EPB41: variants seen among roughly 807,000 people sequenced by gnomAD.
The protein encoded by EPB41 is erythrocyte membrane protein band 4.1, also known as protein 4.1.
A neutral mutation model predicts 108.0 loss-of-function variants in EPB41; 65 were observed. That is an observed-to-expected ratio of 0.60 (90% confidence interval 0.49 to 0.74). The LOEUF (loss-of-function observed/expected upper bound fraction) is 0.74. Ranked by LOEUF, EPB41 falls within the 30% of genes least tolerant of loss-of-function variation. EPB41 has a pLI of 0.00. For missense variants in EPB41, 875 were observed against 1,037.0 expected (o/e 0.84, Z 2.15); for synonymous variants, 336 against 358.9 (o/e 0.94, Z 0.72).
At chr1:28,900,265 G>A (rs1334555682) in intron 1 of EPB41, among the ~76,000 whole-genome samples, 1 of 151,456 alleles carries the variant, frequency 6.6e-6, no homozygotes, top group Non-Finnish European at 1.5e-5. Flanking sequence ...CTAGCTGTGT[G>A]ATGTGGGATC....
chr1:29,063,758 TAC>T (rs1286135959), intron 15 of EPB41, among the ~76,000 whole-genome samples: 1 of 152,210 alleles, frequency 6.6e-6, no homozygotes, highest in Non-Finnish European at 1.5e-5. Flanking sequence ...CAGAATTTTT[TAC>T]AGTCATCAAG....
At chr1:28,915,363 T>C (rs2092552089) in intron 1 of EPB41, among the ~76,000 whole-genome samples, 1 of 152,078 alleles carries the variant, frequency 6.6e-6, no homozygotes, top group Non-Finnish European at 1.5e-5. Context: ...CGTGACCTCC[T>C]TTTTCAGTTC....
At chr1:29,070,772 G>A (rs148199801) in intron 16 of EPB41, 1 of 1,122,134 alleles carries the variant, frequency 8.9e-7, no homozygotes, top group Non-Finnish European at 1.1e-6. Flanking sequence ...ACTCTTTGTA[G>A]AGTATGTATT....
chr1:28,889,780 C>A (rs964331861), intron 1 of EPB41: 170 of 984,966 alleles, frequency 1.7e-4, no homozygotes, highest in Non-Finnish European at 2.0e-4. Context: ...AGGTGTGGAA[C>A]CAAACCGAGC....
At chr1:29,046,967 T>C (rs1010873186) in intron 11 of EPB41, among the ~76,000 whole-genome samples, 2 of 152,152 alleles carry the variant, frequency 1.3e-5, no homozygotes, top group Non-Finnish European at 2.9e-5. Context: ...CCTTTTGTAA[T>C]GTTGTGGTCA....
intron 16 of EPB41, among the ~76,000 whole-genome samples, chr1:29,066,270 T>G (rs956052793): frequency 6.6e-6 from 1 of 151,964 alleles, no homozygotes. Flanking sequence ...TATACAAAAA[T>G]TAGCCGGGCA....
At chr1:28,988,883 G>GA (rs371318024) in intron 2 of EPB41, among the ~76,000 whole-genome samples, 1 of 150,190 alleles carries the variant, frequency 6.7e-6, no homozygotes, top group Non-Finnish European at 1.5e-5. Flanking sequence ...GAATAGTAGA[G>GA]AAAAAAAAAG....
In EPB41 at chr1:28,998,405, GGAGA is replaced by G. The variant is rs555238478; in HGVS notation, c.786+1090_786+1093del. On this transcript the variant is annotated intron_variant, in intron 4 of 20. Coordinates refer to ENST00000343067, the MANE Select transcript of EPB41 (RefSeq NM_001376013.1). ...GGGTGGGTGTAAAGTGGGGAATCGTGGAGAGAGTCTTGTAGACACTGAATTTAAG... is the reference window on the plus strand; with the variant it reads ...GGGTGGGTGTAAAGTGGGGAATCGTGGAGTCTTGTAGACACTGAATTTAAG... Among the ~76,000 whole-genome samples, 7 of 152,244 alleles carry G rather than the reference GGAGA, an allele frequency of 4.6e-5. 1 individual carries two copies. Among genetic ancestry groups the G allele is most frequent in the Admixed American group, 4.6e-4 (7 of 15,286 alleles).
intron 1 of EPB41, among the ~76,000 whole-genome samples, chr1:28,895,247 C>T (rs1372673500): frequency 6.6e-6 from 1 of 152,102 alleles, no homozygotes; most frequent in Non-Finnish European, 1.5e-5. Context: ...CTGGGACTCA[C>T]TAGTCATCAT....
intron 19 of EPB41, among the ~76,000 whole-genome samples, chr1:29,113,937 C>T (rs966084878): frequency 1.4e-4 from 21 of 152,106 alleles, no homozygotes; most frequent in Non-Finnish European, 2.5e-4. Context: ...GAGGCAGAGT[C>T]ACAAAGAGAA....
At chr1:29,046,895 T>A (rs1643382497) in intron 11 of EPB41, among the ~76,000 whole-genome samples, 1 of 152,214 alleles carries the variant, frequency 6.6e-6, no homozygotes, top group South Asian at 2.1e-4. Flanking sequence ...AATACTCTTT[T>A]CTTTTTTATT....
Position 28,891,095 on chromosome 1 carries a change from C to T in EPB41, c.-8+3885C>T, listed in dbSNP as rs1042075982. 1.3e-5 allele frequency: 8 copies of T among 619,164 alleles called. No individual in the cohort carries two copies. In the African/African-American group the frequency reaches 1.6e-4, roughly 12 times the overall value. The allele number at this position is 619,164 out of a possible 1,614,324, so 38.4% of individuals were successfully genotyped here. A position where few individuals can be genotyped will look rare whatever the true frequency, so the allele number is the denominator to read the frequency against. On this transcript the variant is annotated intron_variant, in intron 1 of 16. Transcript: ENST00000347529. ...GTTTCCCCAGAGGGGCAGCCCCACG[C>T]AGCTACTGCCCAGGTGCAAGACTGG...
At chr1:28,957,005 T>TTCTATA (rs1310947877) in intron 1 of EPB41, among the ~76,000 whole-genome samples, 10 of 152,222 alleles carry the variant, frequency 6.6e-5, no homozygotes, top group Non-Finnish European at 8.8e-5. Context: ...AGGCAAGACA[T>TTCTATA]GAAGAAAACA....
chr1:28,931,136 T>C (rs2093720303), intron 1 of EPB41, among the ~76,000 whole-genome samples: 1 of 152,062 alleles, frequency 6.6e-6, no homozygotes, highest in African/African-American at 2.4e-5. Context: ...TGGTGGCTCA[T>C]GCTTGTAATC....
chr1:29,053,437 T>G, intron 12 of EPB41, 125 bp downstream of exon 12: 2 of 1,030,940 alleles, frequency 1.9e-6, no homozygotes, highest in South Asian at 2.7e-5. Context: ...TTCTTCATTC[T>G]TTCTAAATGA....
At chr1:29,032,175 G>A (rs2096799060) in intron 8 of EPB41, among the ~76,000 whole-genome samples, 1 of 151,652 alleles carries the variant, frequency 6.6e-6, no homozygotes, top group Non-Finnish European at 1.5e-5. Context: ...AATCTCTAAA[G>A]TATATTGTAG....
At chr1:28,912,052 A>G (rs182313411), upstream of EPB41, among the ~76,000 whole-genome samples, 89 of 152,316 alleles carry the variant, frequency 5.8e-4, no homozygotes, top group African/African-American at 2.0e-3. Context: ...TTCTCAAAAA[A>G]AAACAGGTGC....
intron 12 of EPB41, among the ~76,000 whole-genome samples, chr1:29,054,843 C>T (rs1426710988): frequency 6.6e-6 from 1 of 152,078 alleles, no homozygotes; most frequent in East Asian, 1.9e-4. Flanking sequence ...CAAAGTGAGA[C>T]GCTGTCTCAA....
chr1:28,916,056 T>G (rs1380224901), intron 1 of EPB41, among the ~76,000 whole-genome samples: 1 of 152,194 alleles, frequency 6.6e-6, no homozygotes, highest in African/African-American at 2.4e-5. Context: ...GTACTCTTCA[T>G]TTTCCTTTTC....
Sources: allele counts gnomAD v4.1 joint callset (sites outside exome capture counted in the v4.1 genomes callset), GRCh38; gene constraint gnomAD v4.1.1; transcripts MANE v1.5; gene names NCBI Gene and HGNC (gene_info 2026-07-23, HGNC 2026-07-21).